SAMD5: variants seen among roughly 807,000 people sequenced by gnomAD.
The protein encoded by SAMD5 is sterile alpha motif domain containing 5.
SAMD5 carries 13 observed loss-of-function variants against 11.3 expected under a neutral mutation model. The observed-to-expected ratio is 1.15, with a 90% confidence interval of 0.75 to 1.83. The LOEUF is 1.83. Among genes scored for constraint, SAMD5 ranks in the 40% most tolerant of loss-of-function variants. The pLI is 0.00. For missense variants in SAMD5, 255 were observed against 239.1 expected (o/e 1.07, Z -0.44); for synonymous variants, 129 against 111.3 (o/e 1.16, Z -1.00).
intron 1 of SAMD5, among the ~76,000 whole-genome samples, chr6:147,656,212 A>G (rs1790564250): frequency 6.6e-6 from 1 of 152,192 alleles, no homozygotes; most frequent in Non-Finnish European, 1.5e-5. Flanking sequence ...TCTGAAAGTG[A>G]AAAGAAATAA....
the SAMD5 span, among the ~76,000 whole-genome samples, chr6:147,767,751 A>G: frequency 6.6e-6 from 1 of 152,188 alleles, no homozygotes; most frequent in South Asian, 2.1e-4. Context: ...TGTTGTCTAA[A>G]CTACCCAGTT....
chr6:147,895,117 G>T, the SAMD5 span, among the ~76,000 whole-genome samples: 3 of 152,188 alleles, frequency 2.0e-5, no homozygotes, highest in Non-Finnish European at 4.4e-5. Flanking sequence ...TTGATGAAAA[G>T]TGCAGCTTAG....
At chr6:147,683,984 C>A (rs1321412261) in intron 1 of SAMD5, among the ~76,000 whole-genome samples, 1 of 152,098 alleles carries the variant, frequency 6.6e-6, no homozygotes, top group African/African-American at 2.4e-5. Flanking sequence ...AAGAGTCATT[C>A]AGAAATACCA....
chr6:147,807,667 A>C, the SAMD5 span, among the ~76,000 whole-genome samples: 1 of 152,160 alleles, frequency 6.6e-6, no homozygotes, highest in Non-Finnish European at 1.5e-5. Flanking sequence ...TAAGGTTTAA[A>C]TTGTCCATCG....
the SAMD5 span, among the ~76,000 whole-genome samples, chr6:147,889,036 A>G: frequency 6.6e-6 from 1 of 152,162 alleles, no homozygotes; most frequent in Non-Finnish European, 1.5e-5. Flanking sequence ...TCAAATTTGG[A>G]AAGGTTTTGG....
intron 1 of SAMD5, among the ~76,000 whole-genome samples, chr6:147,540,039 T>C (rs1282894358): frequency 6.6e-6 from 1 of 152,248 alleles, no homozygotes; most frequent in Non-Finnish European, 1.5e-5. Flanking sequence ...AACTTAACCA[T>C]GGACACATAG....
chr6:147,639,936 T>C (rs1262576532), intron 1 of SAMD5, among the ~76,000 whole-genome samples: 1 of 152,070 alleles, frequency 6.6e-6, no homozygotes, highest in African/African-American at 2.4e-5. Context: ...GAAAGAATAT[T>C]GGAAGTTATT....
chr6:147,662,867 A>G (rs188140857), intron 1 of SAMD5, among the ~76,000 whole-genome samples: 1 of 152,372 alleles, frequency 6.6e-6, no homozygotes, highest in Non-Finnish European at 1.5e-5. Flanking sequence ...GACACCTGCC[A>G]CTTCAAAAAA....
intron 1 of SAMD5, among the ~76,000 whole-genome samples, chr6:147,605,517 T>C (rs753877661): frequency 2.0e-5 from 3 of 152,196 alleles, no homozygotes; most frequent in Admixed American, 6.5e-5. Flanking sequence ...GAAACCATAG[T>C]ACCATGTAGT....
intron 1 of SAMD5, among the ~76,000 whole-genome samples, chr6:147,718,251 T>C (rs1257835712): frequency 6.6e-6 from 1 of 152,172 alleles, no homozygotes; most frequent in Non-Finnish European, 1.5e-5. Context: ...AAGCTGAGCA[T>C]TGAGGAGCAG....
At chr6:147,558,736 G>C (rs1788897827) in intron 1 of SAMD5, among the ~76,000 whole-genome samples, 1 of 151,942 alleles carries the variant, frequency 6.6e-6, no homozygotes, top group African/African-American at 2.4e-5. Context: ...TGGGCCCACT[G>C]ACCCATCTGT....
At chr6:147,611,038 T>A (rs911359773) in intron 1 of SAMD5, among the ~76,000 whole-genome samples, 1 of 151,794 alleles carries the variant, frequency 6.6e-6, no homozygotes, top group East Asian at 2.0e-4. Context: ...CCCGGCTAAT[T>A]TTTGTATTTT....
Position 147,590,498 on chromosome 6 carries a change from C to T in SAMD5, c.162+81111C>T, listed in dbSNP as rs140418781. Among the ~76,000 whole-genome samples, 15 of 152,206 alleles carry T rather than the reference C, an allele frequency of 9.9e-5. No individual in the cohort carries two copies. The East Asian group carries it at 1.4e-3, about 14-fold the overall frequency. ...CATGATCTCAGCTCACTGCAACCTC[C>T]GTCTCCCGGGCTCAAGCAATCCTCC... On this transcript the variant is annotated intron_variant, in intron 1 of 1. Transcript: ENST00000566741.
chr6:147,655,158 C>T (rs1361891702), intron 1 of SAMD5, among the ~76,000 whole-genome samples: 1 of 152,142 alleles, frequency 6.6e-6, no homozygotes, highest in Non-Finnish European at 1.5e-5. Flanking sequence ...AGTTTGGGCA[C>T]ACAAATTTTC....
the SAMD5 span, among the ~76,000 whole-genome samples, chr6:147,952,664 C>A: frequency 1.3e-5 from 2 of 152,158 alleles, no homozygotes; most frequent in African/African-American, 4.8e-5. Context: ...GCATGCACCA[C>A]CACACCCGCG....
intron 1 of SAMD5, among the ~76,000 whole-genome samples, chr6:147,699,309 A>T (rs925488943): frequency 6.6e-6 from 1 of 152,214 alleles, no homozygotes; most frequent in African/African-American, 2.4e-5. Context: ...TGGGAAAATG[A>T]ATTACTGCTT....
intron 1 of SAMD5, among the ~76,000 whole-genome samples, chr6:147,599,880 A>G (rs1309495308): frequency 1.3e-5 from 2 of 152,208 alleles, no homozygotes; most frequent in Non-Finnish European, 2.9e-5. Context: ...CAAATGCTGA[A>G]CTTAGTGTAC....
At chr6:147,824,707 G>C in the SAMD5 span, among the ~76,000 whole-genome samples, 1 of 152,130 alleles carries the variant, frequency 6.6e-6, no homozygotes, top group Non-Finnish European at 1.5e-5. Flanking sequence ...TTAATGGAGA[G>C]AGTTCATTTA....
intron 1 of SAMD5, among the ~76,000 whole-genome samples, chr6:147,637,037 T>A (rs1016522771): frequency 6.6e-6 from 1 of 151,622 alleles, no homozygotes; most frequent in East Asian, 1.9e-4. Flanking sequence ...TCTGCAGGAG[T>A]GGCAGCAGGC....
Sources: gnomAD v4.1 joint callset for allele counts (sites outside exome capture counted in the v4.1 genomes callset) on GRCh38, gnomAD v4.1.1 for gene constraint, MANE v1.5 for transcripts, NCBI Gene and HGNC (gene_info 2026-07-23, HGNC 2026-07-21) for gene names.